KDM4C: variants seen among roughly 807,000 people sequenced by gnomAD.
The protein encoded by KDM4C is lysine demethylase 4C.
Under a neutral mutation model 129.3 loss-of-function variants are expected in KDM4C, and 81 were observed. That is an observed-to-expected ratio of 0.63 (90% CI 0.52 to 0.75). The LOEUF is 0.75. KDM4C is among the 30% of genes least tolerant of loss of function. The pLI, the probability that KDM4C is intolerant of heterozygous loss-of-function variation, is 0.00. For synonymous variants in KDM4C, 573 were observed against 456.1 expected, an observed-to-expected ratio of 1.26 and a Z score of -3.26; for missense variants, 1,457 against 1,304.0, an observed-to-expected ratio of 1.12 and a Z score of -1.81.
intron 18 of KDM4C, among the ~76,000 whole-genome samples, chr9:7,107,867 T>C (rs1029772260): frequency 6.6e-6 from 1 of 152,212 alleles, no homozygotes; most frequent in African/African-American, 2.4e-5. Flanking sequence ...TTGTTGTTGT[T>C]GTTGTCTTTT....
chr9:7,130,815 G>A (rs903828683), intron 19 of KDM4C, among the ~76,000 whole-genome samples: 3 of 152,124 alleles, frequency 2.0e-5, no homozygotes, highest in Non-Finnish European at 2.9e-5. Context: ...CTGGAGGGCA[G>A]TGGTGTGATC....
intron 8 of KDM4C, among the ~76,000 whole-genome samples, chr9:6,949,851 G>A (rs1827802295): frequency 7.2e-6 from 1 of 138,402 alleles, no homozygotes; most frequent in African/African-American, 2.9e-5. Flanking sequence ...GGAGACCGTG[G>A]GGAGAGGGAG....
intron 8 of KDM4C, among the ~76,000 whole-genome samples, chr9:6,968,405 G>A (rs1011081453): frequency 6.6e-6 from 1 of 152,208 alleles, no homozygotes; most frequent in African/African-American, 2.4e-5. Flanking sequence ...ATGCTGGGTA[G>A]TTCTTGGTGA....
intron 7 of KDM4C, among the ~76,000 whole-genome samples, chr9:6,889,659 A>G (rs1462617691): frequency 1.3e-5 from 2 of 152,200 alleles, no homozygotes; most frequent in Non-Finnish European, 2.9e-5. Flanking sequence ...CATCAGCTTC[A>G]TTAGGTACTT....
intron 8 of KDM4C, among the ~76,000 whole-genome samples, chr9:6,967,259 A>G (rs926363599): frequency 2.0e-5 from 3 of 152,018 alleles, no homozygotes; most frequent in African/African-American, 7.2e-5. Flanking sequence ...CCTCGTCTCT[A>G]TTAAAAATAC....
intron 17 of KDM4C, among the ~76,000 whole-genome samples, chr9:7,094,238 A>G (rs1836147225): frequency 6.6e-6 from 1 of 152,258 alleles, no homozygotes; most frequent in Non-Finnish European, 1.5e-5. Flanking sequence ...ATACAGTGCA[A>G]AGCCACATGG....
intron 18 of KDM4C, among the ~76,000 whole-genome samples, chr9:7,123,697 TAAG>T (rs1839742134): frequency 6.6e-6 from 1 of 152,116 alleles, no homozygotes; most frequent in Non-Finnish European, 1.5e-5. Context: ...GCCAGGGTCT[TAAG>T]AGAGTTGTTA....
rs116860117 is a variant in KDM4C, at chr9:6,950,434, A to G, written c.922-30491A>G. Among the ~76,000 whole-genome samples, 446 of 152,262 alleles carry G rather than the reference A, an allele frequency of 2.9e-3. 6 individuals carry two copies. In the East Asian group the frequency reaches 0.038, roughly 13 times the overall value. ...AGAGTGCAGCCTCTAGGTATGGGGT[A>G]AATTCATCCATACAGATTTTAGAGT... On this transcript the variant is annotated intron_variant, in intron 8 of 21. Coordinates refer to ENST00000381309, the MANE Select transcript of KDM4C (RefSeq NM_015061.6).
intron 1 of KDM4C, among the ~76,000 whole-genome samples, chr9:6,788,912 G>A (rs1342552747): frequency 6.6e-6 from 1 of 152,208 alleles, no homozygotes; most frequent in Non-Finnish European, 1.5e-5. Flanking sequence ...AAGGAATACC[G>A]TGCAGAAACA....
chr9:6,786,273 G>C (rs574055476), intron 1 of KDM4C, among the ~76,000 whole-genome samples: 1 of 152,176 alleles, frequency 6.6e-6, no homozygotes, highest in East Asian at 1.9e-4. Flanking sequence ...AAGGAGAGTA[G>C]ATGTTTGTCC....
intron 8 of KDM4C, among the ~76,000 whole-genome samples, chr9:6,923,097 C>A (rs943817815): frequency 4.6e-5 from 7 of 152,124 alleles, no homozygotes; most frequent in Non-Finnish European, 1.0e-4. Flanking sequence ...TTTGGTAAAG[C>A]CTGTTTGATT....
intron 19 of KDM4C, among the ~76,000 whole-genome samples, chr9:7,134,652 G>A (rs1032704642): frequency 6.6e-6 from 1 of 152,158 alleles, no homozygotes; most frequent in Non-Finnish European, 1.5e-5. Context: ...GAACACAGAT[G>A]CACCTTTATA....
intron 1 of KDM4C, among the ~76,000 whole-genome samples, chr9:6,762,151 A>G (rs1159369034): frequency 6.6e-6 from 1 of 151,926 alleles, no homozygotes; most frequent in Non-Finnish European, 1.5e-5. Context: ...CGCAACGTGC[A>G]GGTTTGTTAC....
At position 7,157,824 on chromosome 9, in the gene KDM4C, G is replaced by A. The variant is rs572219635; in HGVS notation, c.2782-7414G>A. Among the ~76,000 whole-genome samples the A allele has an allele frequency of 6.2e-4, 94 of 152,076 alleles. 1 individual carries two copies. The South Asian group carries it at 9.7e-3, about 16-fold the overall frequency. Reference sequence around the variant, plus strand: ...ATTGGTCAAAAATTCTCTTTTTTTTGTTGTGTCTCTGCCAGGCTTTGGTAT... The same window carrying A: ...ATTGGTCAAAAATTCTCTTTTTTTTATTGTGTCTCTGCCAGGCTTTGGTAT... On this transcript the variant is annotated intron_variant, in intron 19 of 21. Transcript: ENST00000381309.
At chr9:6,896,781 G>A (rs976249482) in intron 8 of KDM4C, among the ~76,000 whole-genome samples, 9 of 152,110 alleles carry the variant, frequency 5.9e-5, no homozygotes, top group African/African-American at 9.7e-5. Flanking sequence ...CATCACTCGT[G>A]AGTCATTGTT....
intron 1 of KDM4C, among the ~76,000 whole-genome samples, chr9:6,760,191 C>G (rs1329909363): frequency 6.6e-6 from 1 of 151,698 alleles, no homozygotes; most frequent in Non-Finnish European, 1.5e-5. Flanking sequence ...ATTTTATATA[C>G]ATGGAATAAT....
chr9:7,048,920 TGTCCAGGTATCATTCA>T (rs1320971148), intron 16 of KDM4C, among the ~76,000 whole-genome samples, 156 bp from the exon 17 acceptor site: 1 of 152,130 alleles, frequency 6.6e-6, no homozygotes, highest in Non-Finnish European at 1.5e-5. Context: ...GTACTGAGTC[TGTCCAGGTATCATTCA>T]GGAGGTTTAC....
chr9:6,885,071 C>T (rs1274098555), intron 6 of KDM4C, among the ~76,000 whole-genome samples: 1 of 152,166 alleles, frequency 6.6e-6, no homozygotes, highest in Non-Finnish European at 1.5e-5. Flanking sequence ...TGAGTTTTGA[C>T]AAATGTTTAC....
chr9:7,032,923 C>T (rs931672070), intron 15 of KDM4C, among the ~76,000 whole-genome samples: 1 of 152,180 alleles, frequency 6.6e-6, no homozygotes, highest in Non-Finnish European at 1.5e-5. Flanking sequence ...GTTCTTTTCC[C>T]TTTCATATGT....
Sources: gnomAD v4.1 joint callset for allele counts (sites outside exome capture counted in the v4.1 genomes callset) on GRCh38, gnomAD v4.1.1 for gene constraint, MANE v1.5 for transcripts, NCBI Gene and HGNC (gene_info 2026-07-23, HGNC 2026-07-21) for gene names.